Variants in SMC6 observed in about 807,000 individuals in gnomAD.
SMC6 encodes structural maintenance of chromosomes protein 6.
Under a neutral mutation model 142.2 loss-of-function variants are expected in SMC6, and 79 were observed. The observed-to-expected ratio is 0.56, with a 90% confidence interval of 0.46 to 0.67. The LOEUF (loss-of-function observed/expected upper bound fraction) is 0.67, where lower values mean the gene tolerates loss of function less well. SMC6 is among the 30% of genes least tolerant of loss of function. The pLI is 0.00. For missense variants in SMC6, 1,072 were observed against 1,284.0 expected (o/e 0.83, Z 2.52); for synonymous variants, 411 against 412.4 (o/e 1.00, Z 0.04).
intron 4 of SMC6, among the ~76,000 whole-genome samples, chr2:17,738,825 T>C (rs773058932): frequency 8.5e-5 from 13 of 152,168 alleles, no homozygotes; most frequent in Non-Finnish European, 1.6e-4. Flanking sequence ...GCTAATTTTT[T>C]TTTGTAGAGA....
At chr2:17,728,363 G>A (rs964318028) in intron 7 of SMC6, among the ~76,000 whole-genome samples, 2 of 152,152 alleles carry the variant, frequency 1.3e-5, no homozygotes, top group African/African-American at 2.4e-5. Context: ...GAGCCTGAGA[G>A]GTGGAGGTTG....
chr2:17,703,930 T>A (rs1460536948), intron 18 of SMC6, among the ~76,000 whole-genome samples: 1 of 152,046 alleles, frequency 6.6e-6, no homozygotes, highest in African/African-American at 2.4e-5. Flanking sequence ...CAGTCAACAG[T>A]AGGCTATTAA....
rs76881636 is a variant in SMC6, at chr2:17,671,274, C to T, written c.2911-699G>A. ...AGCTGCATTAAAAGTGATTACTGAA[C>T]GTCAAAAGGACAGAAATCAACTTTA... On this transcript the variant is annotated intron_variant, in intron 25 of 27. Transcript: ENST00000448223. Among the ~76,000 whole-genome samples the T allele has an allele frequency of 6.3e-3, 960 of 151,992 alleles. 9 individuals carry two copies. Among genetic ancestry groups the T allele is most frequent in the African/African-American group, 0.022 (902 of 41,430 alleles).
chr2:17,712,239 T>C (rs2124981338), intron 16 of SMC6, among the ~76,000 whole-genome samples: 1 of 152,330 alleles, frequency 6.6e-6, no homozygotes, highest in South Asian at 2.1e-4. Flanking sequence ...TATGAGTGAA[T>C]GCAGTCTCCC....
chr2:17,716,800 T>C lies in SMC6; in HGVS notation c.1287A>G (p.Gln429=). The C allele has an allele frequency of 1.9e-6, 3 of 1,613,728 alleles. No individual in the cohort carries two copies. Among genetic ancestry groups the C allele is most frequent in the Non-Finnish European group, 1.7e-6 (2 of 1,179,824 alleles). The change falls in exon 14 of 28, where the codon CAA becomes CAG. Residue 429 remains glutamine, a synonymous_variant. Coordinates refer to ENST00000448223, the MANE Select transcript of SMC6 (RefSeq NM_001142286.2). Reference sequence around the variant, plus strand: ...TGGCTTGCTGAAACTGTTCGATCTCTTGATTGACTGAATTTTCTTGATTTT... The same window carrying C: ...TGGCTTGCTGAAACTGTTCGATCTCCTGATTGACTGAATTTTCTTGATTTT... ...AFQNQENSVN[Q]EIEQFQQAIE...
intron 16 of SMC6, among the ~76,000 whole-genome samples, chr2:17,710,061 G>A (rs1333304911): frequency 6.6e-6 from 1 of 152,240 alleles, no homozygotes; most frequent in Non-Finnish European, 1.5e-5. Context: ...CCTTTGAGCA[G>A]AGGCACAACA....
chr2:17,707,668 A>G (rs1266428909), intron 17 of SMC6, among the ~76,000 whole-genome samples: 1 of 152,110 alleles, frequency 6.6e-6, no homozygotes, highest in South Asian at 2.1e-4. Flanking sequence ...AAAAGTTAAA[A>G]CTATTCTAAG....
chr2:17,724,676 A>C (rs1007227884), intron 9 of SMC6, among the ~76,000 whole-genome samples: 11 of 152,226 alleles, frequency 7.2e-5, no homozygotes, highest in Admixed American at 1.3e-4. Flanking sequence ...AAATTGAAGT[A>C]AGTCATGGCT....
intron 7 of SMC6, among the ~76,000 whole-genome samples, chr2:17,729,623 C>G (rs886110413): frequency 6.6e-6 from 1 of 152,194 alleles, no homozygotes; most frequent in African/African-American, 2.4e-5. Context: ...CCTCAAGATT[C>G]TCCCAACACC....
At chr2:17,677,887 C>T (rs910716480) in intron 25 of SMC6, among the ~76,000 whole-genome samples, 7 of 152,048 alleles carry the variant, frequency 4.6e-5, no homozygotes, top group African/African-American at 7.2e-5. Flanking sequence ...AAAAATTTAA[C>T]ATTTATTGTA....
intron 5 of SMC6, among the ~76,000 whole-genome samples, chr2:17,734,455 T>C (rs983815455): frequency 1.3e-5 from 2 of 152,208 alleles, no homozygotes; most frequent in Admixed American, 1.3e-4. Flanking sequence ...TGAGAACCAC[T>C]GAAGTATGAG....
At position 17,683,761 on chromosome 2, in the gene SMC6, T is replaced by C. The variant is rs1226610394; in HGVS notation, c.2681A>G (p.Gln894Arg). 1.9e-6 allele frequency: 3 copies of C among 1,608,264 alleles called. No homozygotes were observed. The highest frequency in any genetic ancestry group is 3.4e-5 in the Admixed American group (2 of 58,874). ...SHGDREEIMR[Q>R]YQEARETYLD... Reference sequence around the variant, plus strand: ...ATAGGTCTCTCTTGCTTCTTGGTACTGCCTATTATATAAACAAAATATTAC... The same window carrying C: ...ATAGGTCTCTCTTGCTTCTTGGTACCGCCTATTATATAAACAAAATATTAC... The change falls in exon 24 of 28, where the codon CAG (glutamine) becomes CGG (arginine). Residue 894 changes from glutamine (Q) to arginine (R), a missense_variant and splice_region_variant. This residue lies in a region of SMC6 where 994 missense variants were observed against 1,153.2 expected (regional missense o/e 0.86). Transcript: ENST00000448223.
Position 17,699,031 on chromosome 2 carries a change from G to C in SMC6, c.2394+1177C>G, listed in dbSNP as rs116550235. On this transcript the variant is annotated intron_variant, in intron 21 of 27. Coordinates refer to ENST00000448223, the MANE Select transcript of SMC6 (RefSeq NM_001142286.2). ...TCTACATACATTTAGAATTATCTCA[G>C]ATATTATAATTTTTGCTAGCCTTCT... is the stretch of plus-strand genomic sequence containing the variant. Among the ~76,000 whole-genome samples the C allele has an allele frequency of 5.4e-3, 828 of 152,064 alleles. 2 individuals are homozygous for C. The highest frequency in any genetic ancestry group is 8.1e-3 in the Non-Finnish European group (552 of 67,926).
chr2:17,696,945 G>A lies in SMC6; in HGVS notation c.2395-519C>T, dbSNP rs75966249. On this transcript the variant is annotated intron_variant, in intron 21 of 27. Coordinates refer to ENST00000448223, the MANE Select transcript of SMC6 (RefSeq NM_001142286.2). ...GGTAAAGATGCATACTATAATGCAC[G>A]GCCACCACTGGAAAAATAAAACAAG... Among the ~76,000 whole-genome samples the A allele has an allele frequency of 4.8e-3, 735 of 152,032 alleles. 4 individuals are homozygous for A. The highest frequency in any genetic ancestry group is 0.016 in the African/African-American group (682 of 41,480).
At chr2:17,725,189 A>G in intron 9 of SMC6, 68 bp downstream of exon 9, 1 of 997,470 alleles carries the variant, frequency 1.0e-6, no homozygotes, top group Non-Finnish European at 1.5e-6. Context: ...GTTTTACAAT[A>G]TCATTTACTG....
At chr2:17,673,442 A>C (rs1558324561) in intron 25 of SMC6, among the ~76,000 whole-genome samples, 1 of 152,076 alleles carries the variant, frequency 6.6e-6, no homozygotes, top group Non-Finnish European at 1.5e-5. Context: ...AAAAACATGA[A>C]GACATTCTCT....
chr2:17,687,740 T>C lies in SMC6; in HGVS notation c.2679-3977A>G, dbSNP rs891080105. On this transcript the variant is annotated intron_variant, in intron 23 of 27. Coordinates refer to ENST00000448223, the MANE Select transcript of SMC6 (RefSeq NM_001142286.2). ...TTGTGAAACCATGTTAATTTCTACA[T>C]ATTCCCCTCAAAGAGAAATTAAATA... Among the ~76,000 whole-genome samples the C allele has an allele frequency of 2.0e-5, 3 of 152,186 alleles. No homozygotes were observed. The East Asian group carries it at 5.8e-4, about 29-fold the overall frequency.
chr2:17,710,095 T>C (rs1036673075), intron 16 of SMC6, among the ~76,000 whole-genome samples: 1 of 152,216 alleles, frequency 6.6e-6, no homozygotes, highest in Non-Finnish European at 1.5e-5. Context: ...CGTTGGCTGC[T>C]GTACTGAGAC....
intron 23 of SMC6, among the ~76,000 whole-genome samples, chr2:17,693,221 A>T (rs1667814472): frequency 6.6e-6 from 1 of 152,228 alleles, no homozygotes; most frequent in Admixed American, 6.5e-5. Context: ...AAAGGATTAT[A>T]AAACATGCTG....
Sources: gnomAD v4.1 joint callset for allele counts (sites outside exome capture counted in the v4.1 genomes callset) on GRCh38, gnomAD v4.1.1 for gene constraint, gnomAD v4.1.1 regional missense constraint, MANE v1.5 for transcripts, NCBI Gene and HGNC (gene_info 2026-07-23, HGNC 2026-07-21) for gene names.